The following SHROOM3 variants were observed in gnomAD, a reference collection of about 807,000 sequenced individuals.
SHROOM3 encodes the protein shroom family member 3.
A neutral mutation model predicts 138.6 loss-of-function variants in SHROOM3; 47 were observed. The observed-to-expected ratio is 0.34, with a 90% confidence interval of 0.27 to 0.43. The LOEUF (loss-of-function observed/expected upper bound fraction) is 0.43. SHROOM3 is among the 20% of genes least tolerant of loss of function. SHROOM3 has a pLI of 1.00. For synonymous variants in SHROOM3, 1,062 were observed against 1,063.3 expected (o/e 1.00, Z 0.02); for missense variants, 2,491 against 2,596.5 (o/e 0.96, Z 0.88).
At chr4:76,544,579 T>G (rs1733173104) in intron 1 of SHROOM3, among the ~76,000 whole-genome samples, 1 of 152,034 alleles carries the variant, frequency 6.6e-6, no homozygotes. Context: ...GTATTTTTAG[T>G]AAAGATAGGG....
At chr4:76,732,411 A>G (rs1720915738) in intron 4 of SHROOM3, among the ~76,000 whole-genome samples, 1 of 152,194 alleles carries the variant, frequency 6.6e-6, no homozygotes, top group South Asian at 2.1e-4. Context: ...TAGACCTCTC[A>G]CTGATGAACA....
At chr4:76,490,491 G>A (rs986121629) in intron 1 of SHROOM3, among the ~76,000 whole-genome samples, 2 of 151,938 alleles carry the variant, frequency 1.3e-5, no homozygotes, top group African/African-American at 2.4e-5. Flanking sequence ...TCCTGACCTC[G>A]TGATCTGCCT....
chr4:76,451,059 C>T (rs930618977), intron 1 of SHROOM3, among the ~76,000 whole-genome samples: 1 of 152,006 alleles, frequency 6.6e-6, no homozygotes, highest in Non-Finnish European at 1.5e-5. Flanking sequence ...ACGCCATTCT[C>T]CTGCCTCAGC....
intron 2 of SHROOM3, among the ~76,000 whole-genome samples, chr4:76,678,809 T>G (rs1417668666): frequency 6.6e-6 from 1 of 151,984 alleles, no homozygotes; most frequent in Non-Finnish European, 1.5e-5. Context: ...TACAGGTGCC[T>G]GCCACCATGC....
chr4:76,516,574 A>G (rs1248280967), intron 1 of SHROOM3, among the ~76,000 whole-genome samples: 1 of 152,076 alleles, frequency 6.6e-6, no homozygotes, highest in East Asian at 1.9e-4. Flanking sequence ...CTCATAATAT[A>G]TGAAAACAGG....
intron 2 of SHROOM3, among the ~76,000 whole-genome samples, chr4:76,601,888 C>T (rs1247371518): frequency 6.6e-6 from 1 of 152,134 alleles, no homozygotes; most frequent in East Asian, 1.9e-4. Context: ...ATTCAGTCCC[C>T]AAAGTCCTCA....
intron 1 of SHROOM3, among the ~76,000 whole-genome samples, chr4:76,452,002 A>G (rs1280041198): frequency 6.6e-6 from 1 of 152,132 alleles, no homozygotes; most frequent in Non-Finnish European, 1.5e-5. Context: ...CACCATGTCT[A>G]GCAGAAATTT....
Position 76,740,769 on chromosome 4 carries a change from C to A in SHROOM3, c.2596C>A (p.Gln866Lys), listed in dbSNP as rs1721222735. Residue 866 changes from glutamine to lysine, a missense_variant, in exon 5 of 11, where the codon CAG becomes AAG. Physicochemically the swap from Gln to Lys is moderately conservative, Grantham distance 53. Around this residue, in one of 4 missense-constraint regions of SHROOM3, gnomAD observed 1,733 missense variants for 1,661.6 expected, o/e 1.04. Coordinates refer to ENST00000296043, the MANE Select transcript of SHROOM3 (RefSeq NM_020859.4). The surrounding 1 kb of genome is among the most constrained non-coding windows in gnomAD (Gnocchi z 4.0). Reference protein sequence around the residue: ...EEASRQPCGQQLSGGASDSGR... With the variant: ...EEASRQPCGQKLSGGASDSGR... ...GGCTTCCCGGCAGCCCTGCGGTCAG[C>A]AGCTGAGCGGAGGAGCGTCGGACAG... The A allele has an allele frequency of 6.2e-7, 1 of 1,612,638 alleles. No individual in the cohort carries two copies.
At chr4:76,714,839 T>G (rs1720326818) in intron 3 of SHROOM3, among the ~76,000 whole-genome samples, 2 of 152,232 alleles carry the variant, frequency 1.3e-5, no homozygotes, top group Admixed American at 1.3e-4. Flanking sequence ...CTCTTCCATA[T>G]TTATTTTATC....
At chr4:76,446,582 A>G (rs1400035613) in intron 1 of SHROOM3, among the ~76,000 whole-genome samples, 2 of 151,862 alleles carry the variant, frequency 1.3e-5, no homozygotes, top group African/African-American at 4.8e-5. Context: ...CCATGAAAAA[A>G]CCTCAACCCC....
chr4:76,756,937 G>A lies in SHROOM3; in HGVS notation c.5198G>A (p.Arg1733Lys), dbSNP rs1463855061. 6.2e-7 allele frequency: 1 copy of A among 1,613,842 alleles called. No individual in the cohort carries two copies. ...TVSSSGCEGK[R>K]NEDKEAVSML... ...AGCTCTTCAGGATGTGAAGGCAAGA[G>A]GTAAGTCCCTGGTGATGTCCTCAGA... The change falls in exon 8 of 11, where the codon AGG becomes AAG. Residue 1733 changes from arginine (R) to lysine (K), a missense_variant and splice_region_variant. Arg to Lys is a conservative substitution (Grantham distance 26). Around this residue, in one of 4 missense-constraint regions of SHROOM3, gnomAD observed 470 missense variants for 595.0 expected, o/e 0.79. Transcript: ENST00000296043.
intron 1 of SHROOM3, among the ~76,000 whole-genome samples, chr4:76,502,405 A>G (rs943432197): frequency 3.3e-5 from 5 of 152,204 alleles, no homozygotes; most frequent in South Asian, 2.1e-4. Context: ...AGCAGAGGCC[A>G]CATTCTGTGC....
At chr4:76,633,693 C>T (rs1019621977) in intron 2 of SHROOM3, among the ~76,000 whole-genome samples, 4 of 150,258 alleles carry the variant, frequency 2.7e-5, no homozygotes, top group African/African-American at 9.8e-5. Flanking sequence ...AGAAATTCTG[C>T]AACACACCTT....
At chr4:76,707,825 G>A (rs1720102071) in intron 2 of SHROOM3, among the ~76,000 whole-genome samples, 1 of 151,536 alleles carries the variant, frequency 6.6e-6, no homozygotes, top group Admixed American at 6.6e-5. Context: ...ATGTGTGTTT[G>A]TTGCCCAGAT....
At chr4:76,710,005 A>G in intron 2 of SHROOM3, 151 bp from the exon 3 acceptor site, 1 of 893,256 alleles carries the variant, frequency 1.1e-6, no homozygotes, top group Non-Finnish European at 1.8e-6. Flanking sequence ...GAACTTTGTT[A>G]GGTGCAGGCT....
chr4:76,759,836 A>G, intron 9 of SHROOM3, 141 bp downstream of exon 9: 1 of 998,266 alleles, frequency 1.0e-6, no homozygotes, highest in South Asian at 1.4e-5. Flanking sequence ...AAATCATTAG[A>G]CTTTGGATTT....
chr4:76,521,173 CT>C (rs1464775295), intron 1 of SHROOM3, among the ~76,000 whole-genome samples: 1 of 151,884 alleles, frequency 6.6e-6, no homozygotes, highest in Non-Finnish European at 1.5e-5. Flanking sequence ...AGTTGAGTAC[CT>C]TTGAAAAAAC....
At chr4:76,454,817 T>A (rs900277723) in intron 1 of SHROOM3, among the ~76,000 whole-genome samples, 1 of 152,236 alleles carries the variant, frequency 6.6e-6, no homozygotes. Flanking sequence ...TTTCAGTTTG[T>A]GTCTGCTTTC....
intron 1 of SHROOM3, among the ~76,000 whole-genome samples, chr4:76,437,788 A>T (rs1285320548): frequency 6.6e-6 from 1 of 152,252 alleles, no homozygotes; most frequent in African/African-American, 2.4e-5. Context: ...GCTGAATAAC[A>T]GATAATTCTG....
Sources: allele counts gnomAD v4.1 joint callset (sites outside exome capture counted in the v4.1 genomes callset), GRCh38; gene constraint gnomAD v4.1.1; regional missense constraint gnomAD v4.1.1; non-coding constraint Gnocchi (gnomAD v3.1); transcripts MANE v1.5; gene names NCBI Gene and HGNC (gene_info 2026-07-23, HGNC 2026-07-21).